Variants in NRXN3 observed in about 807,000 individuals in gnomAD.
NRXN3 encodes the protein neurexin 3, also known as neurexin III.
NRXN3 carries 32 observed loss-of-function variants against 137.6 expected under a neutral mutation model. The ratio of observed to expected loss-of-function variants is 0.23; its 90% CI spans 0.18 to 0.31. The LOEUF (loss-of-function observed/expected upper bound fraction) is 0.31. Among genes scored for constraint, NRXN3 ranks in the 10% least tolerant of loss-of-function variants. The pLI is 1.00. For synonymous variants in NRXN3, 798 were observed against 784.5 expected (o/e 1.02, Z -0.29); for missense variants, 1,574 against 2,062.5 (o/e 0.76, Z 4.59).
At chr14:79,598,455 T>G (rs1057472827) in intron 16 of NRXN3, among the ~76,000 whole-genome samples, 1 of 152,178 alleles carries the variant, frequency 6.6e-6, no homozygotes, top group Non-Finnish European at 1.5e-5. Flanking sequence ...TTGGCTCCAT[T>G]TTCTCGTATT....
chr14:78,722,300 T>G (rs1279210938), intron 8 of NRXN3, among the ~76,000 whole-genome samples: 3 of 152,168 alleles, frequency 2.0e-5, no homozygotes, highest in Non-Finnish European at 2.9e-5. Flanking sequence ...GCTGCAGTGC[T>G]GTCAAATGCA....
intron 20 of NRXN3, among the ~76,000 whole-genome samples, chr14:79,841,798 C>T (rs1232041573): frequency 2.6e-5 from 4 of 152,144 alleles, no homozygotes; most frequent in Non-Finnish European, 4.4e-5. Context: ...GAAGTGAGAA[C>T]GAGTCAGATA....
rs370920118 is a variant in NRXN3 at position 79,756,691 on chromosome 14, C to T, written c.4015-48421C>T. Among the ~76,000 whole-genome samples the T allele has an allele frequency of 1.7e-4, 26 of 152,176 alleles. 1 individual carries two copies. The South Asian group carries it at 5.2e-3, about 30-fold the overall frequency. On this transcript the variant is annotated intron_variant, in intron 19 of 20. Transcript: ENST00000335750. Reference sequence around the variant, plus strand: ...CTTATACCAGTCAAATTATCCATTTCAAAAAAGCATCCAGTCAAAGTGCTC... The same window carrying T: ...CTTATACCAGTCAAATTATCCATTTTAAAAAAGCATCCAGTCAAAGTGCTC...
chr14:78,905,699 A>T (rs1470660850), intron 10 of NRXN3, among the ~76,000 whole-genome samples: 1 of 152,040 alleles, frequency 6.6e-6, no homozygotes, highest in African/African-American at 2.4e-5. Context: ...AATCATTTTG[A>T]TGGTTTATAA....
chr14:78,611,491 A>G (rs988004777), intron 4 of NRXN3, among the ~76,000 whole-genome samples: 12 of 151,854 alleles, frequency 7.9e-5, no homozygotes, highest in Non-Finnish European at 1.8e-4. Context: ...ATATAATGCA[A>G]TTATTTGCAT....
chr14:78,615,048 G>T (rs1393978165), intron 4 of NRXN3: 2 of 456,488 alleles, frequency 4.4e-6, no homozygotes, highest in Non-Finnish European at 8.8e-6. Flanking sequence ...GATGCTCCTC[G>T]TATTTCCATG....
chr14:79,638,152 C>T (rs899707769), intron 16 of NRXN3, among the ~76,000 whole-genome samples: 1 of 152,168 alleles, frequency 6.6e-6, no homozygotes, highest in East Asian at 1.9e-4. Context: ...CCCCCATGCC[C>T]CTCCTTTCTA....
At position 79,320,658 on chromosome 14, in the gene NRXN3, G is replaced by T. The variant is rs8007808; in HGVS notation, c.3263-146563G>T. ...AAGACCAATGCCCCATTCTATCAGA[G>T]AAAAGAAAAAGGGTATCTGTGGGAA... is the stretch of plus-strand genomic sequence containing the variant. On this transcript the variant is annotated intron_variant, in intron 15 of 20. Transcript: ENST00000335750. 3.7e-3 allele frequency among the ~76,000 whole-genome samples: 556 copies of T among 151,968 alleles called. 1 individual carries two copies. The highest frequency in any genetic ancestry group is 0.012 in the African/African-American group (516 of 41,484).
At position 78,818,275 on chromosome 14, in the gene NRXN3, A is replaced by AT. The variant is rs539194636; in HGVS notation, c.2275+7936dup. ...TTACATTGATATCTGCCACTGTATG[A>AT]TTTTTATGACTTGAAGCTACCTTGG... On this transcript the variant is annotated intron_variant, in intron 10 of 20. Transcript: ENST00000335750. 2.5e-3 allele frequency among the ~76,000 whole-genome samples: 377 copies of AT among 152,220 alleles called. 1 individual carries two copies. Among genetic ancestry groups the AT allele is most frequent in the African/African-American group, 8.7e-3 (363 of 41,556 alleles).
At chr14:78,479,436 G>A (rs6574449) in intron 4 of NRXN3, among the ~76,000 whole-genome samples, 151,688 of 152,348 alleles carry the variant, frequency 1, 75,518 homozygotes, top group Middle Eastern at 1. Flanking sequence ...ACACATCCTT[G>A]GGTGATGCTG....
intron 15 of NRXN3, among the ~76,000 whole-genome samples, chr14:79,332,517 A>T (rs1460651599): frequency 1.3e-5 from 2 of 152,192 alleles, no homozygotes; most frequent in African/African-American, 4.8e-5. Flanking sequence ...CCAGATTTAA[A>T]TGGCATCTTC....
At chr14:78,987,019 C>CAAAA (rs36081362) in intron 14 of NRXN3, among the ~76,000 whole-genome samples, 85 of 54,056 alleles carry the variant, frequency 1.6e-3, no homozygotes, top group Admixed American at 2.7e-3. Flanking sequence ...GAGACTGTCT[C>CAAAA]AAAAAAAAAA....
chr14:78,189,225 A>G (rs2060497698), intron 1 of NRXN3, among the ~76,000 whole-genome samples: 1 of 151,866 alleles, frequency 6.6e-6, no homozygotes, highest in African/African-American at 2.4e-5. Context: ...CCCCACCACC[A>G]CTTGCCTAGA....
chr14:78,947,730 T>C (rs2099369283), intron 10 of NRXN3, among the ~76,000 whole-genome samples: 1 of 152,094 alleles, frequency 6.6e-6, no homozygotes, highest in Admixed American at 6.5e-5. Flanking sequence ...ACAACCATGG[T>C]CCCTCAGCCT....
chr14:78,736,629 A>C (rs533431494), intron 8 of NRXN3, among the ~76,000 whole-genome samples: 2 of 152,346 alleles, frequency 1.3e-5, no homozygotes, highest in East Asian at 3.9e-4. Context: ...AAGGACTATT[A>C]TTCCCACAAT....
chr14:78,844,447 A>G (rs2099021005), intron 10 of NRXN3, among the ~76,000 whole-genome samples: 1 of 152,088 alleles, frequency 6.6e-6, no homozygotes, highest in Non-Finnish European at 1.5e-5. Flanking sequence ...ACTAGACCTG[A>G]ATTTAAGTTC....
intron 4 of NRXN3, among the ~76,000 whole-genome samples, chr14:78,354,288 C>T (rs962763841): frequency 2.6e-5 from 4 of 152,090 alleles, no homozygotes; most frequent in Admixed American, 2.0e-4. Context: ...GCCATAGGAC[C>T]CAAAGCAGCC....
intron 15 of NRXN3, among the ~76,000 whole-genome samples, chr14:79,301,750 C>T (rs933428001): frequency 9.9e-5 from 15 of 151,330 alleles, no homozygotes; most frequent in East Asian, 1.9e-4. Flanking sequence ...TGTGTGTGCG[C>T]GCGCGTGCAT....
At chr14:78,663,127 G>A (rs1284352478) in intron 6 of NRXN3, among the ~76,000 whole-genome samples, 1 of 152,158 alleles carries the variant, frequency 6.6e-6, no homozygotes, top group Non-Finnish European at 1.5e-5. Context: ...ATCATTCTAA[G>A]TGTTGGAGTT....
Sources: allele counts gnomAD v4.1 joint callset (sites outside exome capture counted in the v4.1 genomes callset), GRCh38; gene constraint gnomAD v4.1.1; transcripts MANE v1.5; gene names NCBI Gene and HGNC (gene_info 2026-07-23, HGNC 2026-07-21).